ASAH1: variants seen among roughly 807,000 people sequenced by gnomAD.
ASAH1 encodes N-acylsphingosine amidohydrolase 1.
A neutral mutation model predicts 59.5 loss-of-function variants in ASAH1; 70 were observed. The observed-to-expected ratio is 1.18, with a 90% CI of 0.97 to 1.43. The LOEUF (loss-of-function observed/expected upper bound fraction) is 1.43. Among genes scored for constraint, ASAH1 ranks in the 40% most tolerant of loss-of-function variants. The pLI is 0.00. For synonymous variants in ASAH1, 213 were observed against 166.5 expected (o/e 1.28, Z -2.15); for missense variants, 660 against 482.5 (o/e 1.37, Z -3.45).
chr8:18,081,892 A>G (rs1423765258), intron 1 of ASAH1, among the ~76,000 whole-genome samples: 1 of 152,110 alleles, frequency 6.6e-6, no homozygotes, highest in Non-Finnish European at 1.5e-5. Context: ...GGATCCCAGG[A>G]TTTTCCAGGC....
chr8:18,078,344 C>G (rs1166560536), intron 1 of ASAH1, among the ~76,000 whole-genome samples: 1 of 152,090 alleles, frequency 6.6e-6, no homozygotes, highest in African/African-American at 2.4e-5. Context: ...AAGCTAGCAA[C>G]AATACATGTG....
At chr8:18,078,723 A>AGGCAG (rs1246408628) in intron 1 of ASAH1, among the ~76,000 whole-genome samples, 2 of 152,220 alleles carry the variant, frequency 1.3e-5, no homozygotes, top group Non-Finnish European at 2.9e-5. Flanking sequence ...AACTCTATTA[A>AGGCAG]GGCAGGTAAA....
At chr8:18,078,111 C>T (rs1800487390) in intron 1 of ASAH1, among the ~76,000 whole-genome samples, 1 of 152,154 alleles carries the variant, frequency 6.6e-6, no homozygotes, top group African/African-American at 2.4e-5. Context: ...GCGCGTAGTT[C>T]AGGGCTTCTG....
chr8:18,080,616 G>A (rs1302480680), intron 1 of ASAH1, among the ~76,000 whole-genome samples: 1 of 152,190 alleles, frequency 6.6e-6, no homozygotes, highest in Non-Finnish European at 1.5e-5. Context: ...GGAGTGCAAT[G>A]GCAGGATCTT....
In ASAH1 at chr8:18,056,260, T is replaced by C. The variant is rs2117006435; in HGVS notation, c.*1274A>G. Reference sequence around the variant, plus strand: ...ACCTGCAAATTGGGTTGATAGTATCTGGTTAAGAGGTGGTATCAGTCATGT... The same window carrying C: ...ACCTGCAAATTGGGTTGATAGTATCCGGTTAAGAGGTGGTATCAGTCATGT... On this transcript the variant is annotated 3_prime_UTR_variant, in exon 14 of 14. Coordinates refer to ENST00000637790, the MANE Select transcript of ASAH1 (RefSeq NM_177924.5). 1 of 152,378 alleles carries C rather than the reference T, an allele frequency of 6.6e-6. No individual in the cohort carries two copies. Among genetic ancestry groups the C allele is most frequent in the South Asian group, 2.1e-4 (1 of 4,834 alleles). The allele number at this position is 152,378 out of a possible 1,614,324, so 9.4% of individuals were successfully genotyped here.
Position 18,071,317 on chromosome 8 carries a change from G to A in ASAH1, c.199C>T (p.Leu67Phe), listed in dbSNP as rs746475964. 6.3e-6 allele frequency: 10 copies of A among 1,595,370 alleles called. No homozygotes were observed. In the South Asian group the frequency reaches 1.1e-4, roughly 18 times the overall value. ...TAGCATACCACTGGTGCCTTGTCAA[G>A]CATCAATTCATGCCATCTTTTGTAG... ...PPYKRWHELM[L>F]DKAPVLKVIV... The change falls in exon 3 of 14, where the codon CTT becomes TTT. Residue 67 changes from leucine (L) to phenylalanine (F), a missense_variant. Physicochemically the swap from Leu to Phe is conservative, Grantham distance 22. Transcript: ENST00000637790.
intron 13 of ASAH1, 140 bp downstream of exon 13, chr8:18,058,695 A>G: frequency 1.3e-6 from 1 of 755,956 alleles, no homozygotes; most frequent in Non-Finnish European, 2.2e-6. Flanking sequence ...TAGCCACACA[A>G]AAACATTTTT....
rs997097428 is a variant in ASAH1 at position 18,058,960 on chromosome 8, T to C, written c.1042-69A>G. 5.1e-6 allele frequency: 7 copies of C among 1,368,400 alleles called. No individual in the cohort carries two copies. In the Admixed American group the frequency reaches 6.8e-5, roughly 13 times the overall value. 84.8% of individuals were successfully genotyped at this position (1,368,400 alleles called of 1,614,324 possible). ...AAGCCAACAGCCTTATCTACACACA[T>C]GGGCCACCAGAAACCAAGACATTCT... On this transcript the variant is annotated intron_variant, in intron 12 of 13. Transcript: ENST00000637790.
Position 18,061,727 on chromosome 8 carries a change from A to G in ASAH1, c.662T>C (p.Leu221Pro), listed in dbSNP as rs1368529591. ...TATACTGAAACGTTCATTCAGTGTA[A>G]GACTGAACAGTCCCTGAGAAAAAGA... ...LTGFKPGLFS[L>P]TLNERFSING... The change falls in exon 9 of 14, where the codon CTT (leucine) becomes CCT (proline). Residue 221 changes from leucine (L) to proline (P), a missense_variant. Transcript: ENST00000637790. The G allele has an allele frequency of 6.3e-7, 1 of 1,577,632 alleles. No individual in the cohort carries two copies. The highest frequency in any genetic ancestry group is 8.6e-7 in the Non-Finnish European group (1 of 1,159,692).
chr8:18,058,434 A>G (rs1209553219), intron 13 of ASAH1: 1 of 185,192 alleles, frequency 5.4e-6, no homozygotes, highest in Non-Finnish European at 1.1e-5. Context: ...TAGGGAAAAG[A>G]TAAACAGATG....
chr8:18,071,064 C>T (rs1588992126), intron 3 of ASAH1, among the ~76,000 whole-genome samples: 2 of 151,706 alleles, frequency 1.3e-5, no homozygotes, highest in South Asian at 2.1e-4. Flanking sequence ...AAAAATTAGC[C>T]GGCATGGTGG....
At chr8:18,060,979 CT>C (rs1314737527) in intron 10 of ASAH1, 1 of 191,762 alleles carries the variant, frequency 5.2e-6, no homozygotes, top group African/African-American at 2.4e-5. Flanking sequence ...TCTCAAACCC[CT>C]GGGTGCAAGT....
chr8:18,056,645 T>C lies in ASAH1; in HGVS notation c.*889A>G, dbSNP rs1310993348. 6.6e-6 allele frequency: 1 copy of C among 152,232 alleles called. No homozygotes were observed. The highest frequency in any genetic ancestry group is 1.5e-5 in the Non-Finnish European group (1 of 68,044). The allele number at this position is 152,232 out of a possible 1,614,324, so 9.4% of individuals were successfully genotyped here. ...AATACAGTAACATAATTTTAGTAAC[T>C]ACTAAAATTTCTTTAAAACTCCCTA... On this transcript the variant is annotated 3_prime_UTR_variant, in exon 14 of 14. Transcript: ENST00000637790.
chr8:18,064,139 ACCT>A, intron 6 of ASAH1: 1 of 506,934 alleles, frequency 2.0e-6, no homozygotes, highest in Admixed American at 3.7e-5. Flanking sequence ...ATAAGGAAGC[ACCT>A]CCTGCGAGCA....
intron 3 of ASAH1, among the ~76,000 whole-genome samples, chr8:18,070,378 G>A (rs1054817193): frequency 2.0e-5 from 3 of 152,162 alleles, no homozygotes; most frequent in African/African-American, 7.2e-5. Flanking sequence ...TCGAACTCCT[G>A]ACCTCGTGAT....
rs1315283375 is a variant in ASAH1 at position 18,084,011 on chromosome 8, G to C, written c.48C>G (p.Val16=). The change falls in exon 1 of 14, where the codon GTC becomes GTG. Residue 16 remains valine (V), a synonymous_variant. Coordinates refer to ENST00000637790, the MANE Select transcript of ASAH1 (RefSeq NM_177924.5). The part of the protein sequence containing the change: ...CVALVLLAAA[V]SCAVAQHAPP... ...GCGCGTGCTGCGCGACGGCACAGCT[G>C]ACGGCGGCAGCCAGGAGGACTAAGG... 7.5e-6 allele frequency: 12 copies of C among 1,598,228 alleles called. No individual in the cohort carries two copies. The African/African-American group carries it at 1.2e-4, about 16-fold the overall frequency.
At chr8:18,080,300 A>G (rs76071527) in intron 1 of ASAH1, among the ~76,000 whole-genome samples, 3,130 of 152,294 alleles carry the variant, frequency 0.021, 102 homozygotes, top group African/African-American at 0.072. Context: ...CTAAGCCATT[A>G]CGTTTCATCT....
At chr8:18,079,470 T>C (rs116261431) in intron 1 of ASAH1, among the ~76,000 whole-genome samples, 2 of 151,446 alleles carry the variant, frequency 1.3e-5, no homozygotes, top group Non-Finnish European at 2.9e-5. Flanking sequence ...AAAGAGAACA[T>C]TAAGGTCTCA....
upstream of ASAH1, chr8:18,084,627 T>A (rs369006151): frequency 2.1e-5 from 33 of 1,609,264 alleles, no homozygotes; most frequent in Non-Finnish European, 2.7e-5. Flanking sequence ...GGCCGAGGAG[T>A]GAGAGAGAAT....
Sources: allele counts gnomAD v4.1 joint callset (sites outside exome capture counted in the v4.1 genomes callset), GRCh38; gene constraint gnomAD v4.1.1; transcripts MANE v1.5; gene names NCBI Gene and HGNC (gene_info 2026-07-23, HGNC 2026-07-21).